The following SLC1A2 variants were observed in gnomAD, a reference collection of about 807,000 sequenced individuals.
The protein encoded by SLC1A2 is excitatory amino acid transporter 2.
SLC1A2 carries 15 observed loss-of-function variants against 48.8 expected under a neutral mutation model. The ratio of observed to expected loss-of-function variants is 0.31; its 90% CI spans 0.21 to 0.47. The LOEUF (loss-of-function observed/expected upper bound fraction) is 0.47, where lower values mean the gene tolerates loss of function less well. Ranked by LOEUF, SLC1A2 falls within the 20% of genes least tolerant of loss-of-function variation. SLC1A2 has a pLI of 0.99. For missense variants in SLC1A2, 502 were observed against 730.5 expected, an observed-to-expected ratio of 0.69 and a Z score of 3.61; for synonymous variants, 279 against 272.6, an observed-to-expected ratio of 1.02 and a Z score of -0.23.
chr11:35,419,734 T>C (rs559576965), upstream of SLC1A2: 7 of 227,956 alleles, frequency 3.1e-5, no homozygotes, highest in Admixed American at 3.9e-4. The surrounding 1 kb of genome is among the most constrained non-coding windows in gnomAD (Gnocchi z 5.4). Context: ...GCCCAGGATC[T>C]AAGGAGTAGC....
intron 1 of SLC1A2, among the ~76,000 whole-genome samples, chr11:35,380,173 C>T (rs763280379): frequency 6.6e-6 from 1 of 152,190 alleles, no homozygotes; most frequent in Non-Finnish European, 1.5e-5. Context: ...CAACATTAAG[C>T]AAGTTCCCAA....
At chr11:35,343,683 A>C (rs1298566980) in intron 1 of SLC1A2, among the ~76,000 whole-genome samples, 1 of 152,090 alleles carries the variant, frequency 6.6e-6, no homozygotes. Context: ...ACCCTAGCAC[A>C]TCAGTAGCAG....
In SLC1A2 at chr11:35,255,275, G is replaced by T. The variant is rs115777031; in HGVS notation, c.*5619C>A. On this transcript the variant is annotated 3_prime_UTR_variant, in exon 11 of 11. Coordinates refer to ENST00000278379, the MANE Select transcript of SLC1A2 (RefSeq NM_004171.4). ...AAGAGGTTGTTTAAAGATCATGGCT[G>T]GTGACATGGACCTTGTAGACCATGC... 1,054 of 163,440 alleles carry T rather than the reference G, an allele frequency of 6.4e-3. 11 individuals are homozygous for T. The highest frequency in any genetic ancestry group is 0.024 in the African/African-American group (995 of 41,664). The allele number at this position is 163,440 out of a possible 1,614,324, so 10.1% of individuals were successfully genotyped here. A position where few individuals can be genotyped will look rare whatever the true frequency, so the allele number is the denominator to read the frequency against.
chr11:35,404,648 T>A (rs1219763734), intron 1 of SLC1A2: 1 of 152,216 alleles, frequency 6.6e-6, no homozygotes, highest in African/African-American at 2.4e-5. Context: ...AAAATCACCA[T>A]GGTTCAGAGG....
intron 1 of SLC1A2, among the ~76,000 whole-genome samples, chr11:35,373,497 G>A (rs1854124605): frequency 1.3e-5 from 2 of 152,196 alleles, no homozygotes; most frequent in African/African-American, 4.8e-5. Context: ...GGCTGTGGGT[G>A]AGAGCAGAAG....
At chr11:35,399,849 A>G (rs1238385154) in intron 1 of SLC1A2, among the ~76,000 whole-genome samples, 1 of 152,246 alleles carries the variant, frequency 6.6e-6, no homozygotes, top group Non-Finnish European at 1.5e-5. Context: ...TAAAATGACA[A>G]TTTCAACATA....
upstream of SLC1A2, chr11:35,419,668 A>G (rs1360087642): frequency 6.3e-6 from 1 of 158,766 alleles, no homozygotes. This position sits in a 1 kb window ranked among gnomAD's most constrained non-coding sequence, Gnocchi z 5.4. Context: ...AATTAGCCAA[A>G]TAAGAAAAGA....
Position 35,282,357 on chromosome 11 carries a change from CT to C in SLC1A2, c.1287-1357del, listed in dbSNP as rs1392745781. On this transcript the variant is annotated intron_variant, in intron 8 of 10. Coordinates refer to ENST00000278379, the MANE Select transcript of SLC1A2 (RefSeq NM_004171.4). ...CCAGCTCTGCCACTTAACCACATGA[CT>C]ACAGGCAACTTAACCTCCCTGTGCC... is the stretch of plus-strand genomic sequence containing the variant. Among the ~76,000 whole-genome samples, 7 of 152,310 alleles carry C rather than the reference CT, an allele frequency of 4.6e-5. No individual in the cohort carries two copies. The East Asian group carries it at 9.6e-4, about 21-fold the overall frequency.
At chr11:35,415,684 C>G (rs1855582973) in intron 1 of SLC1A2, among the ~76,000 whole-genome samples, 1 of 152,216 alleles carries the variant, frequency 6.6e-6, no homozygotes, top group Admixed American at 6.5e-5. Context: ...CAGGGTTTTT[C>G]CACTGTCAGC....
At chr11:35,283,709 T>C (rs796700398) in intron 8 of SLC1A2, among the ~76,000 whole-genome samples, 9 of 152,240 alleles carry the variant, frequency 5.9e-5, no homozygotes, top group African/African-American at 9.6e-5. Flanking sequence ...AAGACTTGCT[T>C]AAGAAGCCCT....
At chr11:35,358,404 G>A (rs536584231) in intron 1 of SLC1A2, among the ~76,000 whole-genome samples, 137 of 152,218 alleles carry the variant, frequency 9.0e-4, no homozygotes, top group Middle Eastern at 3.4e-3. Flanking sequence ...ATAAACAAAT[G>A]AACTTCAAGG....
intron 4 of SLC1A2, among the ~76,000 whole-genome samples, chr11:35,308,687 AG>A: frequency 6.6e-6 from 1 of 152,308 alleles, no homozygotes; most frequent in African/African-American, 2.4e-5. Flanking sequence ...CACCTCCCAA[AG>A]GGTCCACTTA....
At chr11:35,361,076 A>C (rs1417410948) in intron 1 of SLC1A2, among the ~76,000 whole-genome samples, 1 of 152,034 alleles carries the variant, frequency 6.6e-6, no homozygotes, top group Non-Finnish European at 1.5e-5. Context: ...GGGTTTCACC[A>C]TGTTGGCCAG....
intron 1 of SLC1A2, chr11:35,374,478 A>G (rs1854157429): frequency 3.2e-6 from 1 of 309,184 alleles, no homozygotes; most frequent in Non-Finnish European, 6.6e-6. Flanking sequence ...AATTTAAAGA[A>G]CGAGTGTCCA....
chr11:35,342,569 A>G (rs1478429255), intron 1 of SLC1A2, among the ~76,000 whole-genome samples: 2 of 151,268 alleles, frequency 1.3e-5, no homozygotes, highest in African/African-American at 4.9e-5. Context: ...GCCTTGGTTC[A>G]AAAGGAGCCA....
intron 9 of SLC1A2, among the ~76,000 whole-genome samples, chr11:35,277,620 A>G (rs1850484131): frequency 6.6e-6 from 1 of 152,128 alleles, no homozygotes; most frequent in African/African-American, 2.4e-5. Flanking sequence ...TAAGCCCAAG[A>G]AAAAAATGAG....
Position 35,419,001 on chromosome 11 carries a change from C to A in SLC1A2, c.-35G>T. 2 of 1,550,748 alleles carry A rather than the reference C, an allele frequency of 1.3e-6. No homozygotes were observed. Among genetic ancestry groups the A allele is most frequent in the Non-Finnish European group, 1.7e-6 (2 of 1,145,598 alleles). On this transcript the variant is annotated 5_prime_UTR_variant, in exon 1 of 11. Transcript: ENST00000278379. This position sits in a 1 kb window ranked among gnomAD's most constrained non-coding sequence, Gnocchi z 5.4. ...AACGCCCCCTCCTCTTCAGCACTATCCGGCAGCTGTGGGCGAGGGAGAAAG... is the reference window on the plus strand; with the variant it reads ...AACGCCCCCTCCTCTTCAGCACTATACGGCAGCTGTGGGCGAGGGAGAAAG...
intron 1 of SLC1A2, among the ~76,000 whole-genome samples, chr11:35,362,630 T>C (rs957024414): frequency 6.6e-6 from 1 of 152,248 alleles, no homozygotes; most frequent in African/African-American, 2.4e-5. Flanking sequence ...ATGCAACATA[T>C]GGTAACTATT....
chr11:35,315,984 C>T (rs1325652198), intron 2 of SLC1A2: 1 of 152,148 alleles, frequency 6.6e-6, no homozygotes, highest in East Asian at 1.9e-4. Flanking sequence ...AGTGTGAATT[C>T]TATTTTTTTC....
Sources: gnomAD v4.1 joint callset for allele counts (sites outside exome capture counted in the v4.1 genomes callset) on GRCh38, gnomAD v4.1.1 for gene constraint, Gnocchi (gnomAD v3.1) non-coding constraint, MANE v1.5 for transcripts, NCBI Gene and HGNC (gene_info 2026-07-23, HGNC 2026-07-21) for gene names.